ZAP70: variants seen among roughly 807,000 people sequenced by gnomAD.
ZAP70 encodes zeta chain of T cell receptor associated protein kinase 70.
In ZAP70, 27 loss-of-function variants were observed where a neutral mutation model predicts 65.8. The observed-to-expected ratio is 0.41, with a 90% CI of 0.30 to 0.57. ZAP70 has a LOEUF of 0.57. Ranked by LOEUF, ZAP70 falls within the 20% of genes least tolerant of loss-of-function variation. The pLI is 0.28. For missense variants in ZAP70, 696 were observed against 870.5 expected, an observed-to-expected ratio of 0.80 and a Z score of 2.52; for synonymous variants, 363 against 360.8, an observed-to-expected ratio of 1.01 and a Z score of -0.07.
intron 8 of ZAP70, chr2:97,733,932 A>G (rs1677732252): frequency 2.3e-6 from 1 of 437,506 alleles, no homozygotes. Context: ...TGAAGTGGCT[A>G]TGGTGATTAA....
At chr2:97,720,311 T>C (rs1465935455) in intron 2 of ZAP70, among the ~76,000 whole-genome samples, 1 of 152,154 alleles carries the variant, frequency 6.6e-6, no homozygotes, top group Non-Finnish European at 1.5e-5. Flanking sequence ...CACTGCAACT[T>C]CCACCTCCTG....
intron 2 of ZAP70, among the ~76,000 whole-genome samples, chr2:97,723,465 C>T (rs921484397): frequency 6.6e-6 from 1 of 152,256 alleles, no homozygotes; most frequent in Admixed American, 6.5e-5. Flanking sequence ...CTTCAGCTCT[C>T]CCTTCAAATG....
intron 8 of ZAP70, chr2:97,734,244 C>T: frequency 1.2e-6 from 1 of 832,488 alleles, no homozygotes; most frequent in East Asian, 3.1e-5. Context: ...CACACATGCA[C>T]ACCCCAGCTG....
intron 8 of ZAP70, 90 bp from the exon 9 acceptor site, chr2:97,734,430 T>C: frequency 6.7e-7 from 1 of 1,491,780 alleles, no homozygotes; most frequent in Non-Finnish European, 8.9e-7. Context: ...ACGGCACCCT[T>C]GTCTGGGGCA....
chr2:97,724,328 C>A lies in ZAP70; in HGVS notation c.292C>A (p.Leu98Met). The A allele has an allele frequency of 1.3e-6, 2 of 1,574,284 alleles. No homozygotes were observed. Among genetic ancestry groups the A allele is most frequent in the Non-Finnish European group, 1.7e-6 (2 of 1,160,204 alleles). Residue 98 changes from leucine to methionine, a missense_variant, in exon 3 of 14, where the codon CTG becomes ATG. Transcript: ENST00000264972. ...CGACCCCGACGGGCTGCCCTGCAAC[C>A]TGCGCAAGCCGTGCAACCGGCCGTC... ...SRDPDGLPCNLRKPCNRPSGL... is the reference protein window; with the variant it reads ...SRDPDGLPCNMRKPCNRPSGL...
chr2:97,724,729 G>C, intron 3 of ZAP70: 1 of 1,511,572 alleles, frequency 6.6e-7, no homozygotes, highest in Non-Finnish European at 8.8e-7. Context: ...CTTGGAATGG[G>C]GGCGGGGCTG....
At chr2:97,729,463 A>C (rs930103812) in intron 4 of ZAP70, among the ~76,000 whole-genome samples, 2 of 152,318 alleles carry the variant, frequency 1.3e-5, no homozygotes, top group South Asian at 2.1e-4. Context: ...TGCAAAATGG[A>C]GATAACAATA....
In ZAP70 at chr2:97,737,411, C is replaced by G; in HGVS notation, c.1290-62C>G. The G allele has an allele frequency of 6.3e-7, 1 of 1,580,398 alleles. No individual in the cohort carries two copies. Among genetic ancestry groups the G allele is most frequent in the Non-Finnish European group, 8.7e-7 (1 of 1,150,184 alleles). The stretch of plus-strand genomic sequence containing the variant: ...TGCCCAGCTGGGTCAGAGAAGCATG[C>G]TTTGCCCCTGGGAACTTGGCTAGTC... On this transcript the variant is annotated intron_variant, in intron 10 of 13. Transcript: ENST00000264972. This position sits in a 1 kb window ranked among gnomAD's most constrained non-coding sequence, Gnocchi z 5.0.
At chr2:97,738,706 A>C in intron 13 of ZAP70, 1 of 166,316 alleles carries the variant, frequency 6.0e-6, no homozygotes, top group Admixed American at 5.7e-5. Context: ...ATGACCCCCC[A>C]CCGGCCAGCA....
chr2:97,722,956 C>A (rs747967251), intron 2 of ZAP70, among the ~76,000 whole-genome samples: 1 of 152,136 alleles, frequency 6.6e-6, no homozygotes, highest in Non-Finnish European at 1.5e-5. Context: ...AGGGCAAATA[C>A]AATGGAATGA....
At chr2:97,750,629 A>T in the ZAP70 span, among the ~76,000 whole-genome samples, 1 of 152,360 alleles carries the variant, frequency 6.6e-6, no homozygotes, top group Admixed American at 6.5e-5. Flanking sequence ...CTGCAAGACA[A>T]GGGCCTAGAG....
the ZAP70 span, among the ~76,000 whole-genome samples, chr2:97,752,576 G>A: frequency 3.9e-5 from 6 of 152,342 alleles, no homozygotes; most frequent in East Asian, 1.2e-3. Flanking sequence ...CTTTAGCACA[G>A]TGGTCAGCCC....
At chr2:97,727,067 C>T (rs532654167) in intron 4 of ZAP70, among the ~76,000 whole-genome samples, 1 of 152,328 alleles carries the variant, frequency 6.6e-6, no homozygotes, top group South Asian at 2.1e-4. Context: ...CAGCCATCAT[C>T]CAGCAAGCTA....
At chr2:97,747,125 G>A in the ZAP70 span, among the ~76,000 whole-genome samples, 5 of 152,208 alleles carry the variant, frequency 3.3e-5, no homozygotes, top group Admixed American at 3.3e-4. Context: ...GTTACAAAGT[G>A]CAGCTGCTTT....
At chr2:97,719,109 T>G (rs931639673) in intron 2 of ZAP70, among the ~76,000 whole-genome samples, 1 of 152,088 alleles carries the variant, frequency 6.6e-6, no homozygotes, top group Admixed American at 6.6e-5. Flanking sequence ...AGGAGCAACT[T>G]GCAGACTCTG....
chr2:97,754,235 T>C, the ZAP70 span, among the ~76,000 whole-genome samples: 1 of 151,890 alleles, frequency 6.6e-6, no homozygotes, highest in African/African-American at 2.4e-5. Context: ...TTCTCCCAAG[T>C]ACACAGTGTT....
intron 2 of ZAP70, among the ~76,000 whole-genome samples, chr2:97,720,130 A>C (rs1677103001): frequency 6.6e-6 from 1 of 152,194 alleles, no homozygotes. Context: ...TGTGGCTAGT[A>C]CGGCTATAAA....
the ZAP70 span, among the ~76,000 whole-genome samples, chr2:97,755,277 C>T: frequency 6.6e-6 from 1 of 152,126 alleles, no homozygotes; most frequent in Non-Finnish European, 1.5e-5. Context: ...AGGGTCAACA[C>T]ACTTCTAGTT....
At chr2:97,754,188 G>C in the ZAP70 span, among the ~76,000 whole-genome samples, 8 of 152,242 alleles carry the variant, frequency 5.3e-5, no homozygotes, top group East Asian at 1.2e-3. Context: ...TAATTATTTG[G>C]AAAGCACAAG....
Sources: allele counts gnomAD v4.1 joint callset (sites outside exome capture counted in the v4.1 genomes callset), GRCh38; gene constraint gnomAD v4.1.1; non-coding constraint Gnocchi (gnomAD v3.1); transcripts MANE v1.5; gene names NCBI Gene and HGNC (gene_info 2026-07-23, HGNC 2026-07-21).